The following SRP68 variants were observed in gnomAD, a reference collection of about 807,000 sequenced individuals.
The protein encoded by SRP68 is signal recognition particle subunit SRP68.
SRP68 carries 15 observed loss-of-function variants against 82.2 expected under a neutral mutation model. The ratio of observed to expected loss-of-function variants is 0.18; its 90% CI spans 0.12 to 0.28. The LOEUF (loss-of-function observed/expected upper bound fraction) is 0.28, where lower values mean the gene tolerates loss of function less well. SRP68 is among the 10% of genes least tolerant of loss of function. SRP68 has a pLI of 1.00. For missense variants in SRP68, 595 were observed against 780.5 expected (o/e 0.76, Z 2.83); for synonymous variants, 261 against 292.6 (o/e 0.89, Z 1.10).
Position 76,046,289 on chromosome 17 carries a change from G to A in SRP68, c.1143-95C>T, listed in dbSNP as rs1196323309. On this transcript the variant is annotated intron_variant, in intron 10 of 15. Coordinates refer to ENST00000307877, the MANE Select transcript of SRP68 (RefSeq NM_014230.4). ...AGTTGGGGCTGACCCAGAGGAAGCAGGGGGCGGGTGGGGGCGTGGCCACAG... is the reference window on the plus strand; with the variant it reads ...AGTTGGGGCTGACCCAGAGGAAGCAAGGGGCGGGTGGGGGCGTGGCCACAG... The A allele has an allele frequency of 3.6e-6, 5 of 1,373,518 alleles. No individual in the cohort carries two copies. The Admixed American group carries it at 7.0e-5, about 19-fold the overall frequency. 85.1% of individuals were successfully genotyped at this position (1,373,518 alleles called of 1,614,324 possible).
intron 8 of SRP68, chr17:76,053,565 G>T: frequency 2.5e-5 from 25 of 985,372 alleles, no homozygotes; most frequent in Non-Finnish European, 3.0e-5. Context: ...TCAAGGTGCT[G>T]AAACCAAAAA....
chr17:76,057,512 G>C lies in SRP68; in HGVS notation c.869C>G (p.Ala290Gly). 1 of 1,614,156 alleles carries C rather than the reference G, an allele frequency of 6.2e-7. No individual in the cohort carries two copies. Residue 290 changes from alanine to glycine, a missense_variant, in exon 8 of 16, where the codon GCA becomes GGA. Ala to Gly is a moderately conservative substitution (Grantham distance 60). Around this residue, in one of 2 missense-constraint regions of SRP68, gnomAD observed 495 missense variants for 688.6 expected, o/e 0.72. Transcript: ENST00000307877. Reference protein sequence around the residue: ...ALITQTRAKQAATMSEVEWRG... With the variant: ...ALITQTRAKQGATMSEVEWRG... ...CCACTCCACTTCACTCATGGTAGCT[G>C]CCTGTTTGGCTCGAGTCTGAGTGAT...
intron 3 of SRP68, among the ~76,000 whole-genome samples, chr17:76,064,949 G>A (rs1028789283): frequency 6.6e-6 from 1 of 151,962 alleles, no homozygotes; most frequent in Non-Finnish European, 1.5e-5. Flanking sequence ...TGTGACTGTG[G>A]GCAAAGTACT....
At chr17:76,047,690 GA>G (rs2066641540) in intron 10 of SRP68, among the ~76,000 whole-genome samples, 1 of 151,786 alleles carries the variant, frequency 6.6e-6, no homozygotes. Flanking sequence ...GTGGGAGGCT[GA>G]GGTTAGAGGA....
chr17:76,068,095 C>T (rs1220615198), intron 2 of SRP68, among the ~76,000 whole-genome samples: 5 of 152,050 alleles, frequency 3.3e-5, no homozygotes, highest in African/African-American at 1.2e-4. Flanking sequence ...AGTTCGAGAC[C>T]AGCCTGCCCA....
In SRP68 at chr17:76,038,887, G is replaced by T; in HGVS notation, c.*819C>A. Reference sequence around the variant, plus strand: ...TGAAAAGGGATGACTAAGGAAAAACGGGGGGTAACGAAGGGGATTAAAATA... The same window carrying T: ...TGAAAAGGGATGACTAAGGAAAAACTGGGGGTAACGAAGGGGATTAAAATA... On this transcript the variant is annotated 3_prime_UTR_variant, in exon 16 of 16. Transcript: ENST00000307877. 1 of 153,692 alleles carries T rather than the reference G, an allele frequency of 6.5e-6. No individual in the cohort carries two copies. Among genetic ancestry groups the T allele is most frequent in the Admixed American group, 6.4e-5 (1 of 15,562 alleles). 9.5% of individuals were successfully genotyped at this position (153,692 alleles called of 1,614,324 possible).
In SRP68 at chr17:76,039,786, G is replaced by C; in HGVS notation, c.1804C>G (p.Pro602Ala). The change falls in exon 16 of 16, where the codon CCC (proline) becomes GCC (alanine). Residue 602 changes from proline to alanine, a missense_variant. Pro to Ala is a conservative substitution (Grantham distance 27). Transcript: ENST00000307877. The part of the protein sequence containing the change: ...DLALNHVAFP[P>A]LEDKLEQKTK... Reference sequence around the variant, plus strand: ...TTCTGTTCCAACTTGTCCTCAAGGGGTGGGAAAGCCACATGGTTGAGGGCC... The same window carrying C: ...TTCTGTTCCAACTTGTCCTCAAGGGCTGGGAAAGCCACATGGTTGAGGGCC... The C allele has an allele frequency of 1.9e-6, 3 of 1,614,228 alleles. No individual in the cohort carries two copies. The highest frequency in any genetic ancestry group is 2.5e-6 in the Non-Finnish European group (3 of 1,180,046).
At chr17:76,040,579 G>A in intron 14 of SRP68, 105 bp from the exon 15 acceptor site, 1 of 1,122,192 alleles carries the variant, frequency 8.9e-7, no homozygotes, top group South Asian at 1.3e-5. Context: ...AAAGCAAAAG[G>A]AGCCAGCATG....
intron 1 of SRP68, among the ~76,000 whole-genome samples, 160 bp from the exon 2 acceptor site, chr17:76,070,604 G>T (rs1015633161): frequency 1.3e-5 from 2 of 152,174 alleles, no homozygotes; most frequent in African/African-American, 4.8e-5. Context: ...ACTGTGGGAG[G>T]CCGAGGCGGG....
rs1322595991 is a variant in SRP68, at chr17:76,064,106, T to C, written c.431A>G (p.Glu144Gly). 1 of 1,614,220 alleles carries C rather than the reference T, an allele frequency of 6.2e-7. No individual in the cohort carries two copies. The highest frequency in any genetic ancestry group is 1.1e-5 in the South Asian group (1 of 91,082). ...AWSYAMQLKQ[E>G]ANTEPRKRFH... The stretch of plus-strand genomic sequence containing the variant: ...CCGTTTTCGGGGTTCAGTGTTGGCT[T>C]CCTGTTTCAGCTGCATGGCGTAGCT... The change falls in exon 4 of 16, where the codon GAA becomes GGA. Residue 144 changes from glutamate to glycine, a missense_variant. Transcript: ENST00000307877.
intron 8 of SRP68, among the ~76,000 whole-genome samples, chr17:76,052,981 G>A (rs2066685812): frequency 1.3e-5 from 2 of 151,174 alleles, no homozygotes; most frequent in Admixed American, 6.6e-5. Flanking sequence ...CACACATGGC[G>A]TCGGACGCGG....
rs2066580364 is a variant in SRP68, at chr17:76,040,405, T to C, written c.1656+14A>G. 1.2e-6 allele frequency: 2 copies of C among 1,612,448 alleles called. No individual in the cohort carries two copies. The highest frequency in any genetic ancestry group is 2.2e-5 in the East Asian group (1 of 44,892). On this transcript the variant is annotated intron_variant, in intron 15 of 15. Coordinates refer to ENST00000307877, the MANE Select transcript of SRP68 (RefSeq NM_014230.4). ...CCTGCTTCGTATTCCTCAAAAACCA[T>C]GGCCCAGACTTACCTTATTGTCCTT...
At chr17:76,053,475 C>T (rs2066690506) in intron 8 of SRP68, 1 of 985,342 alleles carries the variant, frequency 1.0e-6, no homozygotes, top group Non-Finnish European at 1.2e-6. Flanking sequence ...GCCTCTTTTC[C>T]TGTCGGTAGG....
intron 13 of SRP68, chr17:76,041,197 A>G (rs1190794994): frequency 2.2e-6 from 1 of 458,976 alleles, no homozygotes. Flanking sequence ...GGAAATAAAG[A>G]TGATGTTAAT....
chr17:76,058,619 A>C (rs1802684493), intron 7 of SRP68, among the ~76,000 whole-genome samples: 1 of 152,186 alleles, frequency 6.6e-6, no homozygotes, highest in South Asian at 2.1e-4. Flanking sequence ...CAGAAATTCA[A>C]ATATTAAAAG....
At chr17:76,051,987 A>G (rs1255763087) in intron 8 of SRP68, among the ~76,000 whole-genome samples, 1 of 152,072 alleles carries the variant, frequency 6.6e-6, no homozygotes, top group Non-Finnish European at 1.5e-5. Context: ...GTCTCACTGT[A>G]ACCACCGCCT....
intron 8 of SRP68, among the ~76,000 whole-genome samples, chr17:76,055,519 G>A (rs1042843251): frequency 2.6e-5 from 4 of 151,812 alleles, no homozygotes; most frequent in Admixed American, 2.0e-4. Flanking sequence ...ACTTTGGGAG[G>A]CTGAGGCGGG....
chr17:76,063,548 C>T (rs1212601652), intron 4 of SRP68, among the ~76,000 whole-genome samples: 5 of 151,998 alleles, frequency 3.3e-5, no homozygotes, highest in Non-Finnish European at 5.9e-5. Flanking sequence ...ATTAGCCAGG[C>T]GTGGTGGCAC....
chr17:76,050,423 C>A lies in SRP68; in HGVS notation c.1077+5G>T. ...CAAGAACCAGGGCTCGGCTGAGGGT[C>A]CTACCTGATCTGGCTTGAGCTCCTC... On this transcript the variant is annotated splice_donor_5th_base_variant and intron_variant, in intron 9 of 15. Transcript: ENST00000307877. The A allele has an allele frequency of 6.2e-7, 1 of 1,610,994 alleles. No homozygotes were observed. Among genetic ancestry groups the A allele is most frequent in the South Asian group, 1.1e-5 (1 of 91,024 alleles).
Sources: gnomAD v4.1 joint callset for allele counts (sites outside exome capture counted in the v4.1 genomes callset) on GRCh38, gnomAD v4.1.1 for gene constraint, gnomAD v4.1.1 regional missense constraint, MANE v1.5 for transcripts, NCBI Gene and HGNC (gene_info 2026-07-23, HGNC 2026-07-21) for gene names.